CCDC30: variants seen among roughly 807,000 people sequenced by gnomAD.
CCDC30 encodes the protein coiled-coil domain-containing protein 30.
Under a neutral mutation model 100.2 loss-of-function variants are expected in CCDC30, and 70 were observed. The observed-to-expected ratio is 0.70, with a 90% confidence interval of 0.58 to 0.85. CCDC30 has a LOEUF of 0.85. Ranked by LOEUF, CCDC30 falls within the 40% of genes least tolerant of loss-of-function variation. CCDC30 has a pLI of 0.00. For synonymous variants in CCDC30, 233 were observed against 269.5 expected, an observed-to-expected ratio of 0.86 and a Z score of 1.33; for missense variants, 652 against 771.2, an observed-to-expected ratio of 0.85 and a Z score of 1.83.
chr1:42,509,304 AG>A (rs1443505815), intron 6 of CCDC30, among the ~76,000 whole-genome samples: 1 of 152,222 alleles, frequency 6.6e-6, no homozygotes, highest in Admixed American at 6.5e-5. Flanking sequence ...GAGCAGACCA[AG>A]AAACTAGTCA....
intron 1 of CCDC30, among the ~76,000 whole-genome samples, chr1:42,468,055 C>A (rs915237152): frequency 6.6e-6 from 1 of 152,154 alleles, no homozygotes; most frequent in Admixed American, 6.5e-5. Context: ...AGTTCTGTAT[C>A]CAATTCCTGT....
rs556832882 is a variant in CCDC30, at chr1:42,479,890, C to T, written c.-91-571C>T. 5.9e-5 allele frequency among the ~76,000 whole-genome samples: 9 copies of T among 152,178 alleles called. No individual in the cohort carries two copies. The East Asian group carries it at 1.5e-3, about 26-fold the overall frequency. On this transcript the variant is annotated intron_variant, in intron 1 of 16. Coordinates refer to ENST00000668663, the Ensembl canonical transcript of CCDC30. ...TGTGATTGGCTTGTCTGGAAAATTCCGTGGGCTGGCAGGGAAGTGAAACTC... is the reference window on the plus strand; with the variant it reads ...TGTGATTGGCTTGTCTGGAAAATTCTGTGGGCTGGCAGGGAAGTGAAACTC...
chr1:42,486,146 C>G (rs1189696713), intron 3 of CCDC30, among the ~76,000 whole-genome samples: 1 of 152,174 alleles, frequency 6.6e-6, no homozygotes, highest in Non-Finnish European at 1.5e-5. Context: ...GAAATGAAAA[C>G]ATGTATCAAC....
At chr1:42,464,623 G>C (rs547472176) in intron 1 of CCDC30, among the ~76,000 whole-genome samples, 2 of 152,364 alleles carry the variant, frequency 1.3e-5, no homozygotes, top group South Asian at 4.1e-4. Context: ...GGCTGGAACA[G>C]AGGGCCTTAA....
intron 1 of CCDC30, among the ~76,000 whole-genome samples, chr1:42,472,822 C>T (rs889369067): frequency 1.4e-4 from 22 of 152,154 alleles, no homozygotes; most frequent in Non-Finnish European, 1.6e-4. Context: ...GAGTCTGACT[C>T]TAGTCATATA....
chr1:42,459,967 T>G (rs1643366145), upstream of CCDC30: 3 of 1,534,848 alleles, frequency 2.0e-6, no homozygotes, highest in East Asian at 6.8e-5. Context: ...TTCAGGGCTC[T>G]TAGAGATGGT....
rs377350209 is a variant in CCDC30, at chr1:42,627,077, A to T, written c.1278-10160A>T. Among the ~76,000 whole-genome samples the T allele has an allele frequency of 3.9e-5, 6 of 152,186 alleles. No individual in the cohort carries two copies. The East Asian group carries it at 7.7e-4, about 20-fold the overall frequency. ...TGGGAAAGTTTGGAACCTCCTAGAG[A>T]TTTGTTGAATGGCTTTGACAAAAAA... On this transcript the variant is annotated intron_variant, in intron 11 of 16. Transcript: ENST00000668663.
At chr1:42,576,016 A>T (rs1415609925) in intron 7 of CCDC30, among the ~76,000 whole-genome samples, 1 of 152,212 alleles carries the variant, frequency 6.6e-6, no homozygotes, top group East Asian at 1.9e-4. Context: ...AAATAACAAG[A>T]TAGTTTTAAA....
intron 6 of CCDC30, among the ~76,000 whole-genome samples, chr1:42,509,356 G>T (rs1310312194): frequency 6.6e-6 from 1 of 152,146 alleles, no homozygotes; most frequent in Non-Finnish European, 1.5e-5. Context: ...GCAGCTGGAG[G>T]CTACAAGATT....
rs377637838 is a variant in CCDC30 at position 42,637,221 on chromosome 1, A to G, written c.1278-16A>G. 3.8e-6 allele frequency: 6 copies of G among 1,574,770 alleles called. No homozygotes were observed. The highest frequency in any genetic ancestry group is 2.8e-5 in the African/African-American group (2 of 72,136). Reference sequence around the variant, plus strand: ...ACTGTGTTCAGATGTGTCTAAACTCAAATTTACTTTTATAGAAACTATAAT... The same window carrying G: ...ACTGTGTTCAGATGTGTCTAAACTCGAATTTACTTTTATAGAAACTATAAT... On this transcript the variant is annotated splice_polypyrimidine_tract_variant and intron_variant, in intron 11 of 16. Transcript: ENST00000668663.
chr1:42,586,186 C>T (rs1015567715), intron 9 of CCDC30, among the ~76,000 whole-genome samples: 6 of 152,118 alleles, frequency 3.9e-5, no homozygotes, highest in Non-Finnish European at 5.9e-5. Context: ...TGGAGGACCA[C>T]TTTGAGGAAG....
chr1:42,516,219 T>A (rs2148497101), intron 6 of CCDC30, among the ~76,000 whole-genome samples: 1 of 152,312 alleles, frequency 6.6e-6, no homozygotes, highest in South Asian at 2.1e-4. Context: ...TGTTGTCTGT[T>A]TTTTTCATGG....
rs150897625 is a variant in CCDC30 at position 42,618,487 on chromosome 1, C to T, written c.1277+7397C>T. Among the ~76,000 whole-genome samples the T allele has an allele frequency of 3.0e-3, 451 of 152,228 alleles. 6 individuals are homozygous for T. Among genetic ancestry groups the T allele is most frequent in the African/African-American group, 0.01 (425 of 41,542 alleles). On this transcript the variant is annotated intron_variant, in intron 11 of 16. Transcript: ENST00000668663. ...CCGACCTCAGGTGATCCACCTGCTT[C>T]GGCCTCCCAAAGTGCTGGGATTACA... is the stretch of plus-strand genomic sequence containing the variant.
intron 12 of CCDC30, among the ~76,000 whole-genome samples, chr1:42,641,364 C>G (rs1182200163): frequency 6.6e-6 from 1 of 151,754 alleles, no homozygotes; most frequent in Non-Finnish European, 1.5e-5. Context: ...AGGTGTGAGC[C>G]ATGGCACCAG....
chr1:42,463,245 C>A (rs1643460060), upstream of CCDC30: 1 of 152,268 alleles, frequency 6.6e-6, no homozygotes, highest in African/African-American at 2.4e-5. Context: ...CTATGGTTCC[C>A]GCCGGAAGGA....
At chr1:42,603,740 A>G (rs1208600461) in intron 10 of CCDC30, among the ~76,000 whole-genome samples, 1 of 152,142 alleles carries the variant, frequency 6.6e-6, no homozygotes, top group Admixed American at 6.5e-5. Flanking sequence ...AACTAAATGT[A>G]CTCTTACCAT....
At chr1:42,653,729 A>C (rs1473024102) in intron 16 of CCDC30, 89 bp from the exon 21 acceptor site, 2 of 933,606 alleles carry the variant, frequency 2.1e-6, no homozygotes, top group Non-Finnish European at 3.3e-6. Flanking sequence ...CAAAAAATTG[A>C]AATTCTATCA....
intron 6 of CCDC30, among the ~76,000 whole-genome samples, chr1:42,522,800 A>C (rs1557823959): frequency 6.6e-6 from 1 of 152,164 alleles, no homozygotes; most frequent in African/African-American, 2.4e-5. Context: ...TAGACCAATA[A>C]TTTTCTTAAA....
At chr1:42,505,340 AT>A (rs1056584028) in intron 6 of CCDC30, among the ~76,000 whole-genome samples, 1 of 151,362 alleles carries the variant, frequency 6.6e-6, no homozygotes, top group Non-Finnish European at 1.5e-5. Flanking sequence ...TTACCCATAC[AT>A]TTTTCTTTTT....
Sources: allele counts gnomAD v4.1 joint callset (sites outside exome capture counted in the v4.1 genomes callset), GRCh38; gene constraint gnomAD v4.1.1; transcripts MANE v1.5; gene names NCBI Gene and HGNC (gene_info 2026-07-23, HGNC 2026-07-21).